PCDH15: variants seen among roughly 807,000 people sequenced by gnomAD.
PCDH15 encodes the protein protocadherin-15.
A neutral mutation model predicts 178.5 loss-of-function variants in PCDH15; 129 were observed. That is an observed-to-expected ratio of 0.72 (90% CI 0.63 to 0.84). The LOEUF (loss-of-function observed/expected upper bound fraction) is 0.84. PCDH15 is among the 40% of genes least tolerant of loss of function. The pLI is 0.00. For missense variants in PCDH15, 2,230 were observed against 2,099.9 expected, an observed-to-expected ratio of 1.06 and a Z score of -1.21; for synonymous variants, 800 against 732.0, an observed-to-expected ratio of 1.09 and a Z score of -1.50.
At chr10:54,915,161 T>A (rs1954879501) in intron 2 of PCDH15, among the ~76,000 whole-genome samples, 1 of 152,212 alleles carries the variant, frequency 6.6e-6, no homozygotes, top group Admixed American at 6.5e-5. Flanking sequence ...TTTACCATTC[T>A]GGAACTCATG....
chr10:54,954,343 C>CA (rs533175664), intron 2 of PCDH15, among the ~76,000 whole-genome samples: 2 of 150,930 alleles, frequency 1.3e-5, no homozygotes, highest in East Asian at 3.9e-4. Context: ...CATCCATTCT[C>CA]AAAAAAAATT....
At chr10:55,230,327 T>C (rs1278170955) in intron 1 of PCDH15, among the ~76,000 whole-genome samples, 1 of 152,076 alleles carries the variant, frequency 6.6e-6, no homozygotes, top group Non-Finnish European at 1.5e-5. Context: ...GACAGTGACA[T>C]ACATATATTA....
At chr10:55,571,591 A>G (rs1278446838) in intron 2 of PCDH15, among the ~76,000 whole-genome samples, 2 of 152,104 alleles carry the variant, frequency 1.3e-5, no homozygotes, top group Non-Finnish European at 2.9e-5. Context: ...GGCAACTAGA[A>G]CAAATCTCTT....
chr10:54,840,475 GA>G (rs1396758991), intron 3 of PCDH15, among the ~76,000 whole-genome samples: 11 of 151,482 alleles, frequency 7.3e-5, no homozygotes, highest in Non-Finnish European at 1.6e-4. Context: ...AAAATCAAAA[GA>G]AAGTAGTGGA....
At chr10:53,887,878 G>T (rs1236755388) in intron 26 of PCDH15, among the ~76,000 whole-genome samples, 2 of 151,840 alleles carry the variant, frequency 1.3e-5, no homozygotes, top group Non-Finnish European at 2.9e-5. Context: ...GACAGAGCAA[G>T]ACTCCATCTC....
At chr10:54,807,153 T>C (rs1192685455) in intron 3 of PCDH15, among the ~76,000 whole-genome samples, 2 of 152,210 alleles carry the variant, frequency 1.3e-5, no homozygotes, top group Non-Finnish European at 2.9e-5. Flanking sequence ...ATTTAGCATA[T>C]TCAGTTAGAC....
intron 2 of PCDH15, among the ~76,000 whole-genome samples, chr10:54,981,107 T>G (rs1447623739): frequency 1.3e-5 from 2 of 152,144 alleles, no homozygotes; most frequent in Non-Finnish European, 2.9e-5. Context: ...TATATCTACA[T>G]TTTGATTCTC....
At chr10:53,891,360 A>G (rs2081544399) in intron 26 of PCDH15, among the ~76,000 whole-genome samples, 1 of 152,230 alleles carries the variant, frequency 6.6e-6, no homozygotes, top group Non-Finnish European at 1.5e-5. Flanking sequence ...ACACACAATC[A>G]TCACTACTCT....
intron 35 of PCDH15, among the ~76,000 whole-genome samples, chr10:53,813,556 A>G (rs2075954643): frequency 6.6e-6 from 1 of 152,238 alleles, no homozygotes; most frequent in Non-Finnish European, 1.5e-5. Flanking sequence ...GTTTGGCAAT[A>G]GTACTAAATT....
intron 3 of PCDH15, among the ~76,000 whole-genome samples, chr10:54,815,170 T>C (rs186020797): frequency 5.9e-4 from 90 of 151,866 alleles, no homozygotes; most frequent in Non-Finnish European, 1.5e-4. Context: ...TTGTGACAAG[T>C]TGAAAAAACT....
rs986635463 is a variant in PCDH15, at chr10:55,396,487, A to G, written c.-155-229836T>C. On this transcript the variant is annotated intron_variant, in intron 2 of 5. Transcript: ENST00000613346. The stretch of plus-strand genomic sequence containing the variant: ...CTTAAGTGGTGTCTTCAAGATTTAC[A>G]TCAAGGTGACATCCGATAGGCTGTC... Among the ~76,000 whole-genome samples, 8 of 152,214 alleles carry G rather than the reference A, an allele frequency of 5.3e-5. No individual in the cohort carries two copies. The East Asian group carries it at 1.5e-3, about 29-fold the overall frequency.
In PCDH15 at chr10:54,023,077, C is replaced by G; in HGVS notation, c.2341G>C (p.Val781Leu). The change falls in exon 19 of 38, where the codon GTC (valine) becomes CTC (leucine). Residue 781 changes from valine to leucine, a missense_variant. Coordinates refer to ENST00000644397, the MANE Select transcript of PCDH15 (RefSeq NM_001384140.1). ...ACAACAAGTTCATAGTAGTCCCTGA[C>G]TTCTCTGTTAAGCTTCACTGCTGTG... ...IYTAVKLNRE[V>L]RDYYELVVVA... 6.2e-7 allele frequency: 1 copy of G among 1,613,960 alleles called. No homozygotes were observed. Among genetic ancestry groups the G allele is most frequent in the Non-Finnish European group, 8.5e-7 (1 of 1,179,902 alleles).
At chr10:53,830,317 A>C (rs2076944345) in intron 30 of PCDH15, among the ~76,000 whole-genome samples, 1 of 152,108 alleles carries the variant, frequency 6.6e-6, no homozygotes, top group South Asian at 2.1e-4. Flanking sequence ...AAAAAAAAAA[A>C]AAAGTAAAGA....
chr10:55,564,492 C>T (rs937671431), intron 2 of PCDH15, among the ~76,000 whole-genome samples: 3 of 151,634 alleles, frequency 2.0e-5, no homozygotes, highest in African/African-American at 7.2e-5. Context: ...AACAAAATGA[C>T]AGTTACAGTT....
chr10:55,614,890 T>C (rs1390251322), intron 2 of PCDH15, among the ~76,000 whole-genome samples: 2 of 152,140 alleles, frequency 1.3e-5, no homozygotes, highest in Non-Finnish European at 2.9e-5. Flanking sequence ...TACCACCTAA[T>C]TAAAATACAC....
chr10:55,573,520 G>A (rs1373921124), intron 2 of PCDH15, among the ~76,000 whole-genome samples: 3 of 152,022 alleles, frequency 2.0e-5, no homozygotes, highest in Admixed American at 6.6e-5. Context: ...AGGGAATTCT[G>A]TCATTTGCAA....
At chr10:55,305,096 T>A (rs964875719) in intron 1 of PCDH15, among the ~76,000 whole-genome samples, 1 of 152,180 alleles carries the variant, frequency 6.6e-6, no homozygotes, top group Non-Finnish European at 1.5e-5. Context: ...AAAAGGTAAC[T>A]ATTACCTCGG....
chr10:55,278,055 T>C (rs930293205), intron 1 of PCDH15, among the ~76,000 whole-genome samples: 1 of 152,130 alleles, frequency 6.6e-6, no homozygotes, highest in African/African-American at 2.4e-5. Flanking sequence ...CTTGTCTGAA[T>C]GGACAGAAAA....
At chr10:55,103,843 G>A (rs1195825055) in intron 2 of PCDH15, among the ~76,000 whole-genome samples, 1 of 152,072 alleles carries the variant, frequency 6.6e-6, no homozygotes, top group East Asian at 1.9e-4. Context: ...CAGGGGTATT[G>A]TCCAATATCA....
Sources: gnomAD v4.1 joint callset for allele counts (sites outside exome capture counted in the v4.1 genomes callset) on GRCh38, gnomAD v4.1.1 for gene constraint, MANE v1.5 for transcripts, NCBI Gene and HGNC (gene_info 2026-07-23, HGNC 2026-07-21) for gene names.